Variants in TMEM132C observed in about 807,000 individuals in gnomAD.
The protein encoded by TMEM132C is protein phosphatase 1, regulatory subunit 152.
A neutral mutation model predicts 61.4 loss-of-function variants in TMEM132C; 29 were observed. The observed-to-expected ratio is 0.47, with a 90% CI of 0.35 to 0.64. The LOEUF (loss-of-function observed/expected upper bound fraction) is 0.64. Ranked by LOEUF, TMEM132C falls within the 30% of genes least tolerant of loss-of-function variation. TMEM132C has a pLI of 0.00. For synonymous variants in TMEM132C, 656 were observed against 633.1 expected (o/e 1.04, Z -0.54); for missense variants, 1,408 against 1,476.9 (o/e 0.95, Z 0.76).
chr12:128,639,897 C>T (rs551979754), intron 4 of TMEM132C, among the ~76,000 whole-genome samples: 2 of 152,224 alleles, frequency 1.3e-5, no homozygotes, highest in Non-Finnish European at 2.9e-5. Context: ...CAAGTGAAGA[C>T]TGTTACATGG....
intron 1 of TMEM132C, among the ~76,000 whole-genome samples, chr12:128,284,018 A>C (rs149585207): frequency 2.6e-5 from 4 of 152,162 alleles, no homozygotes; most frequent in Admixed American, 1.3e-4. Context: ...GAAGAATCCT[A>C]TAAAGTTCAA....
rs1246593780 is a variant in TMEM132C at position 128,539,522 on chromosome 12, G to A, written c.975-4435G>A. Among the ~76,000 whole-genome samples, 5 of 152,318 alleles carry A rather than the reference G, an allele frequency of 3.3e-5. No homozygotes were observed. The South Asian group carries it at 8.3e-4, about 25-fold the overall frequency. On this transcript the variant is annotated intron_variant, in intron 2 of 8. Coordinates refer to ENST00000435159, the MANE Select transcript of TMEM132C (RefSeq NM_001136103.3). ...AGTCCCAGCTACCCGGGAGGCTGAGGCAGGGGAATCACTTAAACCCGAGAG... is the reference window on the plus strand; with the variant it reads ...AGTCCCAGCTACCCGGGAGGCTGAGACAGGGGAATCACTTAAACCCGAGAG...
intron 1 of TMEM132C, among the ~76,000 whole-genome samples, chr12:128,318,370 C>A (rs1455423607): frequency 6.6e-6 from 1 of 152,156 alleles, no homozygotes; most frequent in Admixed American, 6.5e-5. Context: ...GTACATGTAA[C>A]CAACCTACTG....
At chr12:128,292,878 A>T (rs80263436) in intron 1 of TMEM132C, among the ~76,000 whole-genome samples, 1 of 152,130 alleles carries the variant, frequency 6.6e-6, no homozygotes, top group Non-Finnish European at 1.5e-5. Context: ...ACAGAATAGC[A>T]TAGAAATTCT....
intron 3 of TMEM132C, among the ~76,000 whole-genome samples, chr12:128,597,527 A>AGGAAGGAT: frequency 6.8e-6 from 1 of 146,900 alleles, no homozygotes; most frequent in East Asian, 2.2e-4. Context: ...GAAGGAAGGA[A>AGGAAGGAT]GGATGGATGG....
At chr12:128,509,932 G>C (rs779679363) in intron 2 of TMEM132C, among the ~76,000 whole-genome samples, 10 of 152,198 alleles carry the variant, frequency 6.6e-5, no homozygotes, top group Non-Finnish European at 1.5e-4. Flanking sequence ...CCTACAGACT[G>C]TCTCCTTTTT....
chr12:128,626,748 A>G (rs1306838971), intron 4 of TMEM132C, among the ~76,000 whole-genome samples: 1 of 152,124 alleles, frequency 6.6e-6, no homozygotes, highest in Non-Finnish European at 1.5e-5. Flanking sequence ...CCCGGCCAGT[A>G]ACTGCATTTC....
chr12:128,379,774 T>G (rs1874342550), intron 1 of TMEM132C, among the ~76,000 whole-genome samples: 1 of 152,214 alleles, frequency 6.6e-6, no homozygotes, highest in Non-Finnish European at 1.5e-5. Context: ...TAACGCCACA[T>G]TTGCATGTTC....
intron 4 of TMEM132C, among the ~76,000 whole-genome samples, chr12:128,647,689 G>A (rs1181720169): frequency 1.3e-5 from 2 of 150,202 alleles, no homozygotes; most frequent in Non-Finnish European, 2.9e-5. Flanking sequence ...AGCGTTGGAT[G>A]TGAGTGTGTT....
intron 2 of TMEM132C, among the ~76,000 whole-genome samples, chr12:128,531,498 A>G (rs1873299966): frequency 6.6e-6 from 1 of 152,244 alleles, no homozygotes; most frequent in Non-Finnish European, 1.5e-5. Flanking sequence ...GGAGTTCTAC[A>G]GGCAGGGAAG....
At chr12:128,675,299 T>C (rs1311532678) in intron 5 of TMEM132C, among the ~76,000 whole-genome samples, 2 of 152,078 alleles carry the variant, frequency 1.3e-5, no homozygotes, top group African/African-American at 4.8e-5. Context: ...TTACTACTCA[T>C]AACATCTGCA....
intron 1 of TMEM132C, among the ~76,000 whole-genome samples, chr12:128,306,174 T>C (rs1256995247): frequency 6.6e-6 from 1 of 151,580 alleles, no homozygotes; most frequent in African/African-American, 2.4e-5. Flanking sequence ...CATTTCAGCA[T>C]GGAAAACACC....
At chr12:128,675,935 A>G (rs1484866630) in intron 5 of TMEM132C, among the ~76,000 whole-genome samples, 6 of 152,222 alleles carry the variant, frequency 3.9e-5, no homozygotes, top group Non-Finnish European at 8.8e-5. Context: ...TAAGTTACAT[A>G]TATCAAGGCC....
intron 3 of TMEM132C, among the ~76,000 whole-genome samples, chr12:128,594,231 C>T (rs1030768546): frequency 6.6e-6 from 1 of 152,054 alleles, no homozygotes; most frequent in Non-Finnish European, 1.5e-5. Context: ...GGGGGCGCCA[C>T]ATAAAAGGGG....
rs150902231 is a variant in TMEM132C, at chr12:128,424,202, G to A, written c.974+8582G>A. On this transcript the variant is annotated intron_variant, in intron 2 of 8. Transcript: ENST00000435159. ...AACATACCTGTTCTAATAGACAAAC[G>A]CCAATCATGGCTGCTCAGATGTGAG... Among the ~76,000 whole-genome samples the A allele has an allele frequency of 5.0e-3, 764 of 152,150 alleles. 11 individuals carry two copies. Among genetic ancestry groups the A allele is most frequent in the Admixed American group, 0.04 (610 of 15,268 alleles).
chr12:128,590,583 G>A (rs1875716919), intron 3 of TMEM132C, among the ~76,000 whole-genome samples: 1 of 152,154 alleles, frequency 6.6e-6, no homozygotes, highest in Non-Finnish European at 1.5e-5. Context: ...GCCAGAGCAA[G>A]AACAGCACCT....
intron 1 of TMEM132C, among the ~76,000 whole-genome samples, chr12:128,370,751 G>C (rs1874003306): frequency 6.6e-6 from 1 of 152,078 alleles, no homozygotes; most frequent in African/African-American, 2.4e-5. Context: ...GAGAAAGGCA[G>C]TGTGGATCGA....
At chr12:128,303,769 G>A (rs1871672322) in intron 1 of TMEM132C, among the ~76,000 whole-genome samples, 1 of 152,090 alleles carries the variant, frequency 6.6e-6, no homozygotes, top group South Asian at 2.1e-4. Context: ...CATGCAGCAG[G>A]CCTTCTGATT....
intron 1 of TMEM132C, among the ~76,000 whole-genome samples, chr12:128,387,126 G>A (rs1469255369): frequency 1.7e-5 from 2 of 119,066 alleles, no homozygotes; most frequent in Non-Finnish European, 3.3e-5. Context: ...GGGTAACAGA[G>A]CAAGACTCTG....
Sources: gnomAD v4.1 joint callset for allele counts (sites outside exome capture counted in the v4.1 genomes callset) on GRCh38, gnomAD v4.1.1 for gene constraint, MANE v1.5 for transcripts, NCBI Gene and HGNC (gene_info 2026-07-23, HGNC 2026-07-21) for gene names.